Variants in CACNA1E observed in about 807,000 individuals in gnomAD.
The protein encoded by CACNA1E is voltage-dependent R-type calcium channel subunit alpha-1E.
Under a neutral mutation model 259.2 loss-of-function variants are expected in CACNA1E, and 40 were observed. The observed-to-expected ratio is 0.15, with a 90% CI of 0.12 to 0.20. The LOEUF is 0.20. CACNA1E is among the 10% of genes least tolerant of loss of function. CACNA1E has a pLI of 1.00. For synonymous variants in CACNA1E, 1,104 were observed against 1,138.5 expected (o/e 0.97, Z 0.61); for missense variants, 1,874 against 3,040.1 (o/e 0.62, Z 9.02).
At chr1:181,631,911 A>G (rs921027125) in intron 6 of CACNA1E, among the ~76,000 whole-genome samples, 1 of 152,192 alleles carries the variant, frequency 6.6e-6, no homozygotes, top group African/African-American at 2.4e-5. Context: ...CAGGGAGATC[A>G]GATTTACCTC....
At chr1:181,539,637 T>C (rs1344445623) in intron 3 of CACNA1E, among the ~76,000 whole-genome samples, 1 of 152,210 alleles carries the variant, frequency 6.6e-6, no homozygotes, top group African/African-American at 2.4e-5. Context: ...TCCCGCAAGG[T>C]CTGAGTCCCA....
chr1:181,531,369 G>A (rs1044895840), intron 3 of CACNA1E, among the ~76,000 whole-genome samples: 3 of 152,154 alleles, frequency 2.0e-5, no homozygotes, highest in African/African-American at 7.2e-5. Context: ...GCAGGCATTT[G>A]TGTCCCCTCT....
chr1:181,710,766 A>G (rs767323540), intron 7 of CACNA1E, among the ~76,000 whole-genome samples, 188 bp from the exon 8 acceptor site: 31 of 152,294 alleles, frequency 2.0e-4, no homozygotes, highest in Non-Finnish European at 4.0e-4. Context: ...TTCCTTTGTG[A>G]GGCTGAATGA....
Position 181,706,021 on chromosome 1 carries a change from T to C in CACNA1E, c.1056-4933T>C, listed in dbSNP as rs568563260. 5.3e-5 allele frequency among the ~76,000 whole-genome samples: 8 copies of C among 152,230 alleles called. No homozygotes were observed. The South Asian group carries it at 1.7e-3, about 32-fold the overall frequency. On this transcript the variant is annotated intron_variant, in intron 7 of 47. Coordinates refer to ENST00000367573, the MANE Select transcript of CACNA1E (RefSeq NM_001205293.3). ...ATCCCTTCTTGATTTCTGTTGCATC[T>C]CTCGGTGTAGAAACCCTGGATAGAA...
rs1431622795 is a variant in CACNA1E at position 181,492,189 on chromosome 1, A to G, written c.266+8179A>G. Among the ~76,000 whole-genome samples, 5 of 152,252 alleles carry G rather than the reference A, an allele frequency of 3.3e-5. No individual in the cohort carries two copies. The East Asian group carries it at 9.6e-4, about 29-fold the overall frequency. ...GTTATCTGGCATTTTGTTACATGGA[A>G]CTCTTTATTAATTGGCATATAGTAT... On this transcript the variant is annotated intron_variant, in intron 1 of 47. Coordinates refer to ENST00000367573, the MANE Select transcript of CACNA1E (RefSeq NM_001205293.3).
chr1:181,595,735 G>A (rs898238971), intron 6 of CACNA1E, among the ~76,000 whole-genome samples: 1 of 152,124 alleles, frequency 6.6e-6, no homozygotes, highest in African/African-American at 2.4e-5. Context: ...GGGCTCCTGG[G>A]ACTGCAGATT....
At chr1:181,727,763 C>T (rs1248047661) in intron 18 of CACNA1E, among the ~76,000 whole-genome samples, 7 of 152,120 alleles carry the variant, frequency 4.6e-5, no homozygotes, top group Admixed American at 4.6e-4. Flanking sequence ...GTGGGAGGGT[C>T]CGAGACCCCC....
At chr1:181,695,086 GTTAAAT>G (rs1651563924) in intron 7 of CACNA1E, among the ~76,000 whole-genome samples, 1 of 151,972 alleles carries the variant, frequency 6.6e-6, no homozygotes, top group Non-Finnish European at 1.5e-5. Flanking sequence ...CAATGACCAA[GTTAAAT>G]TTAAATTTAA....
intron 29 of CACNA1E, among the ~76,000 whole-genome samples, 186 bp from the exon 30 acceptor site, chr1:181,756,711 TGCTTAGGAGTTGAGTGCGTGATGGAACA>T (rs1281185341): frequency 1.3e-5 from 2 of 152,282 alleles, no homozygotes; most frequent in African/African-American, 4.8e-5. Context: ...GTCCCTCTGT[TGCTTAGGAGTTGAGTGCGTGATGGAACA>T]GAGGCTAGAA....
At position 181,772,212 on chromosome 1, in the gene CACNA1E, T is replaced by C; in HGVS notation, c.5120T>C (p.Ile1707Thr). 6.2e-7 allele frequency: 1 copy of C among 1,613,730 alleles called. No homozygotes were observed. Among genetic ancestry groups the C allele is most frequent in the Non-Finnish European group, 8.5e-7 (1 of 1,179,728 alleles). Residue 1707 changes from isoleucine (I) to threonine (T), a missense_variant, in exon 37 of 48, where the codon ATC becomes ACC. Transcript: ENST00000367573. ...DLAYVYFVSF[I>T]FFCSFLMLNL... ...GCCTACGTGTACTTTGTCTCCTTCA[T>C]CTTCTTCTGCTCCTTCTTGGTGAGC...
chr1:181,471,741 TAA>T (rs889312662), intron 2 of CACNA1E, among the ~76,000 whole-genome samples: 2 of 152,158 alleles, frequency 1.3e-5, no homozygotes, highest in African/African-American at 4.8e-5. Context: ...CTTTTGGAAA[TAA>T]GTTTGTTTTT....
At chr1:181,495,928 T>G (rs1464125551) in intron 1 of CACNA1E, among the ~76,000 whole-genome samples, 1 of 152,212 alleles carries the variant, frequency 6.6e-6, no homozygotes, top group East Asian at 1.9e-4. Context: ...TTCATGACAA[T>G]CCTACAGAGA....
intron 15 of CACNA1E, among the ~76,000 whole-genome samples, chr1:181,721,228 C>A: frequency 6.6e-6 from 1 of 152,150 alleles, no homozygotes; most frequent in East Asian, 1.9e-4. Context: ...AACAAGGTCT[C>A]TTTTCCATCC....
Position 181,760,850 on chromosome 1 carries a change from A to T in CACNA1E, c.4606-1724A>T, listed in dbSNP as rs549626323. Among the ~76,000 whole-genome samples, 16 of 152,290 alleles carry T rather than the reference A, an allele frequency of 1.1e-4. No individual in the cohort carries two copies. The East Asian group carries it at 3.1e-3, about 29-fold the overall frequency. On this transcript the variant is annotated intron_variant, in intron 32 of 47. Transcript: ENST00000367573. ...ATATACCAGTGTTCTAGTCTATACCACAGCATGCTATTCTGTATTGTAAAG... is the reference window on the plus strand; with the variant it reads ...ATATACCAGTGTTCTAGTCTATACCTCAGCATGCTATTCTGTATTGTAAAG...
rs150622473 is a variant in CACNA1E, at chr1:181,674,745, T to C, written c.1055+23304T>C. Among the ~76,000 whole-genome samples the C allele has an allele frequency of 5.9e-5, 9 of 152,156 alleles. No individual in the cohort carries two copies. The East Asian group carries it at 1.5e-3, about 26-fold the overall frequency. On this transcript the variant is annotated intron_variant, in intron 7 of 47. Coordinates refer to ENST00000367573, the MANE Select transcript of CACNA1E (RefSeq NM_001205293.3). ...GACCTGACCATCTCTCTCAAGTCTC[T>C]CTCTACACCCCAGCACAGAGAGAGC...
intron 25 of CACNA1E, chr1:181,745,330 ATTTTT>A: frequency 2.3e-6 from 1 of 440,384 alleles, no homozygotes; most frequent in Non-Finnish European, 4.4e-6. Flanking sequence ...ACACCCAAGT[ATTTTT>A]TTTTTTTTTA....
At chr1:181,493,341 G>C (rs577536258) in intron 1 of CACNA1E, among the ~76,000 whole-genome samples, 1 of 152,328 alleles carries the variant, frequency 6.6e-6, no homozygotes, top group East Asian at 1.9e-4. Flanking sequence ...GCACTGGGCT[G>C]TCAGCCAGGC....
intron 35 of CACNA1E, 91 bp downstream of exon 35, chr1:181,766,702 C>G: frequency 1.1e-6 from 1 of 930,404 alleles, no homozygotes; most frequent in South Asian, 1.4e-5. Flanking sequence ...CCTGAAGATG[C>G]TTTGAACCCC....
In CACNA1E at chr1:181,790,481, C is replaced by G. The variant is rs1661204076; in HGVS notation, c.5823C>G (p.Leu1941=). Residue 1941 remains leucine, a synonymous_variant, in exon 44 of 48, where the codon CTC becomes CTG. Transcript: ENST00000367573. The stretch of plus-strand genomic sequence containing the variant: ...GTGGATACCCTTCGATGAGTCCACT[C>G]TCTCCCCAGGATATATTCCAGTTGG... ...GRSGYPSMSP[L]SPQDIFQLAC... The G allele has an allele frequency of 1.9e-6, 3 of 1,613,384 alleles. No homozygotes were observed. The highest frequency in any genetic ancestry group is 1.7e-6 in the Non-Finnish European group (2 of 1,179,456).
Sources: gnomAD v4.1 joint callset for allele counts (sites outside exome capture counted in the v4.1 genomes callset) on GRCh38, gnomAD v4.1.1 for gene constraint, MANE v1.5 for transcripts, NCBI Gene and HGNC (gene_info 2026-07-23, HGNC 2026-07-21) for gene names.